The following DGKH variants were observed in gnomAD, a reference collection of about 807,000 sequenced individuals.
The protein encoded by DGKH is diacylglycerol kinase eta, also known as DAG kinase eta.
DGKH carries 90 observed loss-of-function variants against 159.3 expected under a neutral mutation model. The ratio of observed to expected loss-of-function variants is 0.57; its 90% CI spans 0.48 to 0.67. The LOEUF is 0.67. Ranked by LOEUF, DGKH falls within the 30% of genes least tolerant of loss-of-function variation. DGKH has a pLI of 0.00. For synonymous variants in DGKH, 536 were observed against 553.8 expected, an observed-to-expected ratio of 0.97 and a Z score of 0.45; for missense variants, 1,181 against 1,506.1, an observed-to-expected ratio of 0.78 and a Z score of 3.57.
At chr13:42,105,350 C>T (rs754517465) in intron 1 of DGKH, among the ~76,000 whole-genome samples, 22 of 152,200 alleles carry the variant, frequency 1.4e-4, no homozygotes, top group Non-Finnish European at 2.8e-4. Context: ...TTAATCCATT[C>T]ATGAGGGCAG....
At chr13:42,099,752 G>A (rs894050370) in intron 1 of DGKH, among the ~76,000 whole-genome samples, 10 of 152,186 alleles carry the variant, frequency 6.6e-5, no homozygotes, top group Non-Finnish European at 8.8e-5. Flanking sequence ...TGAGTAGCGC[G>A]TGTGAAGGTG....
chr13:42,095,694 C>T (rs748629581), intron 1 of DGKH, among the ~76,000 whole-genome samples: 3 of 152,156 alleles, frequency 2.0e-5, no homozygotes, highest in Non-Finnish European at 2.9e-5. Context: ...CTCTATATAT[C>T]TATGTGAATA....
At chr13:42,184,527 A>G (rs974300986) in intron 13 of DGKH, among the ~76,000 whole-genome samples, 3 of 152,150 alleles carry the variant, frequency 2.0e-5, no homozygotes, top group African/African-American at 7.2e-5. Context: ...ATTTTGAAGG[A>G]AGAGAACAAA....
chr13:42,144,802 A>G (rs770292928), intron 3 of DGKH, among the ~76,000 whole-genome samples: 26 of 152,230 alleles, frequency 1.7e-4, no homozygotes, highest in Non-Finnish European at 2.8e-4. Context: ...ATATGAACAC[A>G]TTGTTATACC....
chr13:42,163,374 C>T (rs1283881020), intron 7 of DGKH, among the ~76,000 whole-genome samples: 1 of 152,106 alleles, frequency 6.6e-6, no homozygotes, highest in East Asian at 1.9e-4. Flanking sequence ...TGGGTATATA[C>T]CCAGTAATGG....
intron 1 of DGKH, among the ~76,000 whole-genome samples, chr13:42,055,734 A>G (rs908420606): frequency 6.6e-6 from 1 of 152,248 alleles, no homozygotes; most frequent in Non-Finnish European, 1.5e-5. Flanking sequence ...AGTTTGTTTT[A>G]CATCTAAGAA....
chr13:42,097,404 AG>A (rs1198420618), intron 1 of DGKH, among the ~76,000 whole-genome samples: 4 of 152,174 alleles, frequency 2.6e-5, no homozygotes, highest in African/African-American at 9.7e-5. Flanking sequence ...GTGTTGGTTC[AG>A]TGGGGGGACT....
rs1028960911 is a variant in DGKH, at chr13:42,234,815, C to T, written c.*5627C>T. The T allele has an allele frequency of 6.6e-6, 1 of 152,142 alleles. No individual in the cohort carries two copies. Among genetic ancestry groups the T allele is most frequent in the African/African-American group, 2.4e-5 (1 of 41,410 alleles). The allele number at this position is 152,142 out of a possible 1,614,324, so 9.4% of individuals were successfully genotyped here. A position where few individuals can be genotyped will look rare whatever the true frequency, so the allele number is the denominator to read the frequency against. ...CTGGGGCTTGTCTCTTCTATGGCAT[C>T]CCCTGATTGACTTTTGTATAGCAAC... On this transcript the variant is annotated 3_prime_UTR_variant, in exon 30 of 30. Transcript: ENST00000337343.
At chr13:42,060,164 C>G (rs1882047072) in intron 1 of DGKH, among the ~76,000 whole-genome samples, 1 of 119,026 alleles carries the variant, frequency 8.4e-6, no homozygotes, top group Non-Finnish European at 1.9e-5. Context: ...CCTCGGCCTC[C>G]CAAAGTGTTG....
intron 1 of DGKH, among the ~76,000 whole-genome samples, chr13:42,110,484 G>A (rs1954842522): frequency 2.0e-5 from 3 of 152,236 alleles, no homozygotes; most frequent in Admixed American, 1.3e-4. Flanking sequence ...ATGGGGGAAA[G>A]TGGTTGGTTA....
chr13:42,151,947 G>A (rs1177581834), intron 3 of DGKH, among the ~76,000 whole-genome samples: 1 of 151,968 alleles, frequency 6.6e-6, no homozygotes, highest in Non-Finnish European at 1.5e-5. Flanking sequence ...CCACATTCTT[G>A]CTAATACCTG....
At chr13:42,144,964 A>C (rs548483558) in intron 3 of DGKH, among the ~76,000 whole-genome samples, 38 of 152,304 alleles carry the variant, frequency 2.5e-4, no homozygotes, top group African/African-American at 8.9e-4. Context: ...TGTTGCAGCT[A>C]GCAGTGATTA....
At chr13:42,188,322 T>C (rs1249638500) in intron 14 of DGKH, among the ~76,000 whole-genome samples, 2 of 152,254 alleles carry the variant, frequency 1.3e-5, no homozygotes, top group Non-Finnish European at 2.9e-5. Context: ...TCACCTCTCG[T>C]AATACAAGAA....
chr13:42,130,303 C>T (rs1310217131), intron 3 of DGKH, among the ~76,000 whole-genome samples: 16 of 152,170 alleles, frequency 1.1e-4, no homozygotes, highest in Admixed American at 1.0e-3. Flanking sequence ...TTCAGTGATT[C>T]CTCCCCCATC....
chr13:42,051,933 A>G (rs1881350678), intron 1 of DGKH, among the ~76,000 whole-genome samples: 1 of 152,092 alleles, frequency 6.6e-6, no homozygotes, highest in Admixed American at 6.5e-5. Context: ...CCAAAGTGCT[A>G]GGATTACAGG....
intron 30 of DGKH, among the ~76,000 whole-genome samples, chr13:42,255,534 C>CA (rs1253255711): frequency 6.6e-6 from 1 of 151,776 alleles, no homozygotes; most frequent in Non-Finnish European, 1.5e-5. Context: ...TTGTAGAGGA[C>CA]AAAATGTGAA....
intron 5 of DGKH, among the ~76,000 whole-genome samples, chr13:42,158,176 C>T (rs1483746717): frequency 6.6e-6 from 1 of 152,186 alleles, no homozygotes; most frequent in Non-Finnish European, 1.5e-5. Context: ...GTTATTTTAC[C>T]TGAAACTTTT....
At chr13:42,108,088 G>A (rs1954794869) in intron 1 of DGKH, among the ~76,000 whole-genome samples, 1 of 152,154 alleles carries the variant, frequency 6.6e-6, no homozygotes, top group Non-Finnish European at 1.5e-5. Context: ...GGAATCAAAT[G>A]AAGAGTTAGT....
At chr13:42,118,001 A>G (rs534624947) in intron 1 of DGKH, among the ~76,000 whole-genome samples, 20 of 152,226 alleles carry the variant, frequency 1.3e-4, no homozygotes, top group Non-Finnish European at 2.4e-4. Context: ...GCGGATCACG[A>G]GGTCAGGAGA....
Sources: allele counts gnomAD v4.1 joint callset (sites outside exome capture counted in the v4.1 genomes callset), GRCh38; gene constraint gnomAD v4.1.1; transcripts MANE v1.5; gene names NCBI Gene and HGNC (gene_info 2026-07-23, HGNC 2026-07-21).